CTH: variants seen among roughly 807,000 people sequenced by gnomAD.
The protein encoded by CTH is cystathionine gamma-lyase.
Under a neutral mutation model 50.6 loss-of-function variants are expected in CTH, and 41 were observed. The ratio of observed to expected loss-of-function variants is 0.81; its 90% CI spans 0.63 to 1.05. The LOEUF (loss-of-function observed/expected upper bound fraction) is 1.05, where lower values mean the gene tolerates loss of function less well. CTH is among the 50% of genes least tolerant of loss of function. The probability of loss-of-function intolerance (pLI) is 0.00; values close to 1 mark genes in which losing one functional copy is unlikely to be tolerated. For synonymous variants in CTH, 156 were observed against 168.9 expected, an observed-to-expected ratio of 0.92 and a Z score of 0.59; for missense variants, 470 against 492.6, an observed-to-expected ratio of 0.95 and a Z score of 0.43.
chr1:70,434,058 C>T (rs1305879209), intron 9 of CTH, 109 bp downstream of exon 9: 5 of 1,538,404 alleles, frequency 3.3e-6, no homozygotes, highest in Non-Finnish European at 3.5e-6. Flanking sequence ...GCAGGTTACA[C>T]TCATAAACCT....
At position 70,435,164 on chromosome 1, in the gene CTH, CT is replaced by C; in HGVS notation, c.1041del (p.Ala348LeufsTer7). On this transcript the variant is annotated frameshift_variant, in exon 10 of 12. Coordinates refer to ENST00000370938, the MANE Select transcript of CTH (RefSeq NM_001902.6). LOFTEE classifies it high-confidence loss of function. ...LAESLGGFES[L>X]AELPAIMTHA... ...CGAGAGCTTGGGAGGATTCGAAAGC[CT>C]TGCTGAGCTTCCGTAAGTATAGTTC... The C allele has an allele frequency of 1.2e-6, 2 of 1,612,966 alleles. No homozygotes were observed. Among genetic ancestry groups the C allele is most frequent in the South Asian group, 2.2e-5 (2 of 90,986 alleles).
Position 70,424,383 on chromosome 1 carries a change from C to T in CTH, c.555C>T (p.Val185=), listed in dbSNP as rs201341971. ...IVHKHGDIIL[V]VDNTFMSPYF... ...ATAAGCATGGAGACATTATTTTGGT[C>T]GTGGATAACACTTTTATGTCACCAT... Residue 185 remains valine (V), a synonymous_variant, in exon 5 of 12, where the codon GTC becomes GTT. Coordinates refer to ENST00000370938, the MANE Select transcript of CTH (RefSeq NM_001902.6). 1.2e-5 allele frequency: 19 copies of T among 1,613,800 alleles called. No individual in the cohort carries two copies. The highest frequency in any genetic ancestry group is 1.7e-5 in the Admixed American group (1 of 59,976).
chr1:70,435,432 C>A (rs1270146920), intron 10 of CTH, among the ~76,000 whole-genome samples: 1 of 152,030 alleles, frequency 6.6e-6, no homozygotes, highest in Non-Finnish European at 1.5e-5. Context: ...CCAGCAGTAA[C>A]TGTATTCTAG....
chr1:70,416,908 G>C (rs61359012), intron 2 of CTH, among the ~76,000 whole-genome samples: 11,643 of 151,950 alleles, frequency 0.077, 528 homozygotes, highest in East Asian at 0.17. Context: ...GGCCAGGCTG[G>C]TCTGGAACTC....
intron 3 of CTH, among the ~76,000 whole-genome samples, chr1:70,419,994 G>GTT (rs1161753778): frequency 1.2e-4 from 17 of 136,264 alleles, no homozygotes; most frequent in East Asian, 6.3e-4. Flanking sequence ...GGACCGGCGT[G>GTT]TTTTTTTTTT....
chr1:70,424,196 A>G (rs781060013), intron 4 of CTH, 89 bp from the exon 5 acceptor site: 118 of 1,604,450 alleles, frequency 7.4e-5, no homozygotes, highest in Middle Eastern at 1.7e-4. Flanking sequence ...CCATTATACA[A>G]TGTAGCTTCC....
rs749721072 is a variant in CTH at position 70,432,219 on chromosome 1, A to G, written c.861A>G (p.Glu287=). 3 of 1,614,104 alleles carry G rather than the reference A, an allele frequency of 1.9e-6. No individual in the cohort carries two copies. The African/African-American group carries it at 4.0e-5, about 22-fold the overall frequency. The part of the protein sequence containing the change: ...AQFLESNPWV[E]KVIYPGLPSH... ...TCCTGGAATCTAATCCTTGGGTAGA[A>G]AAGGTTATTTATCCTGGTATGTTAA... The change falls in exon 8 of 12, where the codon GAA becomes GAG. Residue 287 remains glutamate, a synonymous_variant. Coordinates refer to ENST00000370938, the MANE Select transcript of CTH (RefSeq NM_001902.6).
At chr1:70,413,541 G>C (rs914868352) in intron 1 of CTH, among the ~76,000 whole-genome samples, 53 of 151,920 alleles carry the variant, frequency 3.5e-4, no homozygotes, top group Non-Finnish European at 2.5e-4. Context: ...TGGGATTACA[G>C]GTGTGAGCCA....
intron 1 of CTH, among the ~76,000 whole-genome samples, chr1:70,413,401 T>C (rs966192307): frequency 2.6e-5 from 4 of 151,874 alleles, no homozygotes; most frequent in Non-Finnish European, 4.4e-5. Flanking sequence ...GTAGCTGGGA[T>C]TACAGGCGCC....
At chr1:70,418,397 A>G (rs993062462) in intron 3 of CTH, among the ~76,000 whole-genome samples, 1 of 152,036 alleles carries the variant, frequency 6.6e-6, no homozygotes, top group Non-Finnish European at 1.5e-5. Flanking sequence ...CCCCAGGCGC[A>G]TGCCACCACA....
chr1:70,429,828 A>G lies in CTH; in HGVS notation c.623A>G (p.Tyr208Cys), dbSNP rs1483951274. The change falls in exon 6 of 12, where the codon TAT (tyrosine) becomes TGT (cysteine). Residue 208 changes from tyrosine (Y) to cysteine (C), a missense_variant. Transcript: ENST00000370938. ...GCTCTGGGAGCTGATATTTCTATGT[A>G]TTCTGCAACAAAATACATGAATGGT... ...PLALGADISM[Y>C]SATKYMNGHS... The G allele has an allele frequency of 1.2e-6, 2 of 1,613,084 alleles. No homozygotes were observed. The highest frequency in any genetic ancestry group is 1.1e-5 in the South Asian group (1 of 91,040).
chr1:70,425,417 C>G (rs1684326129), intron 5 of CTH, among the ~76,000 whole-genome samples: 1 of 152,208 alleles, frequency 6.6e-6, no homozygotes, highest in Non-Finnish European at 1.5e-5. Flanking sequence ...GGCCCACTTT[C>G]TGGTCCATAG....
At chr1:70,413,464 C>T (rs1423612219) in intron 1 of CTH, among the ~76,000 whole-genome samples, 1 of 151,776 alleles carries the variant, frequency 6.6e-6, no homozygotes, top group African/African-American at 2.4e-5. Flanking sequence ...CGGGGTTTCA[C>T]CATGTTGGCC....
intron 5 of CTH, among the ~76,000 whole-genome samples, chr1:70,426,924 C>T (rs1331971506): frequency 6.6e-6 from 1 of 152,188 alleles, no homozygotes; most frequent in East Asian, 1.9e-4. Context: ...CTCATCAAAC[C>T]TGGCCCTCTT....
At chr1:70,421,173 C>A (rs1206134503) in intron 3 of CTH, among the ~76,000 whole-genome samples, 1 of 152,090 alleles carries the variant, frequency 6.6e-6, no homozygotes, top group African/African-American at 2.4e-5. Flanking sequence ...TTTTCCATTA[C>A]AAAGTATATT....
At chr1:70,416,707 G>A (rs1001418385) in intron 2 of CTH, among the ~76,000 whole-genome samples, 3 of 152,096 alleles carry the variant, frequency 2.0e-5, no homozygotes, top group African/African-American at 7.2e-5. Flanking sequence ...GGGATTACAG[G>A]TGCCTGCCAC....
intron 7 of CTH, among the ~76,000 whole-genome samples, chr1:70,430,732 G>A (rs828355): frequency 0.35 from 53,459 of 150,762 alleles, 9,650 homozygotes; most frequent in Middle Eastern, 0.5. Flanking sequence ...TAGTAGAGAC[G>A]GGGTTTCACC....
chr1:70,418,596 G>A (rs1356549939), intron 3 of CTH, among the ~76,000 whole-genome samples: 2 of 152,156 alleles, frequency 1.3e-5, no homozygotes, highest in African/African-American at 2.4e-5. Context: ...GAATGAATAC[G>A]TAGCACTTGA....
At position 70,411,338 on chromosome 1, in the gene CTH, C is replaced by T. The variant is rs1683956069; in HGVS notation, c.-78C>T. ...TCCTTCTCGCCTGATCCTTCTGTCT[C>T]TCCCAACCCCGGACACCCGGCTTCG... On this transcript the variant is annotated 5_prime_UTR_variant, in exon 1 of 12. Transcript: ENST00000370938. 1 of 1,479,446 alleles carries T rather than the reference C, an allele frequency of 6.8e-7. No individual in the cohort carries two copies. The highest frequency in any genetic ancestry group is 1.7e-5 in the Admixed American group (1 of 59,846). 91.6% of individuals were successfully genotyped at this position (1,479,446 alleles called of 1,614,324 possible).
Sources: gnomAD v4.1 joint callset for allele counts (sites outside exome capture counted in the v4.1 genomes callset) on GRCh38, gnomAD v4.1.1 for gene constraint, MANE v1.5 for transcripts, NCBI Gene and HGNC (gene_info 2026-07-23, HGNC 2026-07-21) for gene names.